The following GRM8 variants were observed in gnomAD, a reference collection of about 807,000 sequenced individuals.
GRM8 encodes glutamate metabotropic receptor 8, also known as metabotropic glutamate receptor 8.
In GRM8, 47 loss-of-function variants were observed where a neutral mutation model predicts 87.2. The observed-to-expected ratio is 0.54, with a 90% CI of 0.43 to 0.69. The LOEUF is 0.69. Among genes scored for constraint, GRM8 ranks in the 30% least tolerant of loss-of-function variants. GRM8 has a pLI of 0.00. For synonymous variants in GRM8, 396 were observed against 404.5 expected (o/e 0.98, Z 0.25); for missense variants, 1,019 against 1,139.2 (o/e 0.89, Z 1.52).
rs111918645 is a variant in GRM8 at position 127,114,911 on chromosome 7, G to C, written c.511-8199C>G. Among the ~76,000 whole-genome samples the C allele has an allele frequency of 1.2e-4, 19 of 152,196 alleles. 2 individuals are homozygous for C. The highest frequency in any genetic ancestry group is 4.3e-4 in the African/African-American group (18 of 41,532). On this transcript the variant is annotated intron_variant, in intron 2 of 10. Transcript: ENST00000339582. ...GACTAAATAAAGGGACTATTTTCAA[G>C]GCAGGAGCAGCATATAGAGAAGGCA...
intron 1 of GRM8, among the ~76,000 whole-genome samples, chr7:127,246,252 T>C (rs1346146214): frequency 6.6e-6 from 1 of 152,262 alleles, no homozygotes; most frequent in Non-Finnish European, 1.5e-5. Flanking sequence ...TGTACAATTC[T>C]TGTGAGCTTT....
chr7:127,039,066 G>A (rs983592606), intron 3 of GRM8, among the ~76,000 whole-genome samples: 2 of 152,124 alleles, frequency 1.3e-5, no homozygotes, highest in Admixed American at 6.5e-5. Context: ...TATGGAGGCT[G>A]GGTATATTGG....
chr7:126,760,255 A>C (rs1405002262), intron 7 of GRM8, among the ~76,000 whole-genome samples: 1 of 152,202 alleles, frequency 6.6e-6, no homozygotes, highest in African/African-American at 2.4e-5. Flanking sequence ...AAAGAAGCCC[A>C]ACACAATGGA....
intron 3 of GRM8, among the ~76,000 whole-genome samples, chr7:126,946,016 C>G (rs1319780146): frequency 6.6e-6 from 1 of 152,172 alleles, no homozygotes; most frequent in African/African-American, 2.4e-5. Context: ...CAATTAATGT[C>G]CTTCCTACAT....
rs1170803719 is a variant in GRM8 at position 126,785,463 on chromosome 7, T to C, written c.1157-15398A>G. On this transcript the variant is annotated intron_variant, in intron 6 of 10. Transcript: ENST00000339582. Reference sequence around the variant, plus strand: ...TCTTACATGGTATTAGAACCCACGATTTTTAGGAAGGCATGACTTGGTCAG... The same window carrying C: ...TCTTACATGGTATTAGAACCCACGACTTTTAGGAAGGCATGACTTGGTCAG... Among the ~76,000 whole-genome samples, 134 of 152,122 alleles carry C rather than the reference T, an allele frequency of 8.8e-4. 5 individuals carry two copies. The highest frequency in any genetic ancestry group is 8.7e-3 in the Admixed American group (133 of 15,258).
intron 6 of GRM8, among the ~76,000 whole-genome samples, chr7:126,890,452 G>T (rs1800886278): frequency 6.6e-6 from 1 of 152,014 alleles, no homozygotes; most frequent in South Asian, 2.1e-4. Flanking sequence ...AGAAAAGCCT[G>T]GTTAAGGTCC....
chr7:126,567,791 T>C (rs942427480), intron 8 of GRM8, among the ~76,000 whole-genome samples: 6 of 152,142 alleles, frequency 3.9e-5, no homozygotes, highest in South Asian at 4.1e-4. Context: ...TAAGATGTTA[T>C]ATCCAGAAAG....
chr7:126,462,141 T>C (rs953890251), intron 9 of GRM8, among the ~76,000 whole-genome samples: 10 of 151,610 alleles, frequency 6.6e-5, no homozygotes, highest in Non-Finnish European at 1.0e-4. Context: ...ATTTTAAAAC[T>C]GAGGCTGTTA....
At chr7:126,564,762 A>G (rs977439060) in intron 8 of GRM8, among the ~76,000 whole-genome samples, 1 of 152,168 alleles carries the variant, frequency 6.6e-6, no homozygotes, top group Non-Finnish European at 1.5e-5. Flanking sequence ...ACCAAAGCCA[A>G]ATACAACAAA....
intron 3 of GRM8, among the ~76,000 whole-genome samples, chr7:126,974,409 C>A (rs1245772245): frequency 6.6e-6 from 1 of 152,168 alleles, no homozygotes; most frequent in Admixed American, 6.5e-5. Context: ...CTATAGTAAA[C>A]ACCTTACTGT....
intron 1 of GRM8, among the ~76,000 whole-genome samples, chr7:127,251,868 A>G (rs540322241): frequency 6.6e-6 from 1 of 152,238 alleles, no homozygotes; most frequent in Non-Finnish European, 1.5e-5. Context: ...CGTTTCTCGA[A>G]AGCCACAAAA....
At chr7:126,870,589 G>A (rs1799007407) in intron 6 of GRM8, 1 of 152,140 alleles carries the variant, frequency 6.6e-6, no homozygotes, top group African/African-American at 2.4e-5. Context: ...GACTAGGAAA[G>A]CCTGAAAAAA....
chr7:126,513,454 T>C (rs1476779512), intron 9 of GRM8, among the ~76,000 whole-genome samples: 1 of 152,164 alleles, frequency 6.6e-6, no homozygotes, highest in East Asian at 1.9e-4. Context: ...AATGTTAGTA[T>C]ATTTCTTAAA....
At chr7:126,475,000 T>C (rs1443892798) in intron 9 of GRM8, among the ~76,000 whole-genome samples, 1 of 152,140 alleles carries the variant, frequency 6.6e-6, no homozygotes, top group Non-Finnish European at 1.5e-5. Context: ...AAATGCCATA[T>C]ATAACAAAAT....
At chr7:126,879,476 CCTCT>C (rs1250453325) in intron 6 of GRM8, among the ~76,000 whole-genome samples, 1 of 151,746 alleles carries the variant, frequency 6.6e-6, no homozygotes, top group East Asian at 1.9e-4. Context: ...TTTTTCTCTC[CCTCT>C]CTCTTTCTCC....
At chr7:126,761,111 T>C (rs1483832592) in intron 7 of GRM8, among the ~76,000 whole-genome samples, 2 of 152,000 alleles carry the variant, frequency 1.3e-5, no homozygotes, top group Non-Finnish European at 2.9e-5. Context: ...GGAAAGAGAA[T>C]TGCTTGAACT....
At chr7:126,590,888 C>A (rs955026842) in intron 8 of GRM8, among the ~76,000 whole-genome samples, 1 of 152,072 alleles carries the variant, frequency 6.6e-6, no homozygotes, top group African/African-American at 2.4e-5. Flanking sequence ...AATCTTGAAA[C>A]AAATCCTTGA....
At chr7:126,691,902 C>T (rs1481987707) in intron 7 of GRM8, among the ~76,000 whole-genome samples, 33 of 152,208 alleles carry the variant, frequency 2.2e-4, no homozygotes. Flanking sequence ...CTACCTAGAT[C>T]TTCGGGCCCT....
chr7:126,743,844 T>C (rs1045205790), intron 7 of GRM8, among the ~76,000 whole-genome samples: 1 of 152,078 alleles, frequency 6.6e-6, no homozygotes, highest in African/African-American at 2.4e-5. Context: ...AACATTTTCA[T>C]AGCAATATTA....
Sources: allele counts gnomAD v4.1 joint callset (sites outside exome capture counted in the v4.1 genomes callset), GRCh38; gene constraint gnomAD v4.1.1; transcripts MANE v1.5; gene names NCBI Gene and HGNC (gene_info 2026-07-23, HGNC 2026-07-21).